The following RYR3 variants were observed in gnomAD, a reference collection of about 807,000 sequenced individuals.
The protein encoded by RYR3 is ryanodine receptor 3.
A neutral mutation model predicts 584.3 loss-of-function variants in RYR3; 207 were observed. The ratio of observed to expected loss-of-function variants is 0.35; its 90% CI spans 0.32 to 0.40. The LOEUF (loss-of-function observed/expected upper bound fraction) is 0.40, where lower values mean the gene tolerates loss of function less well. RYR3 is among the 10% of genes least tolerant of loss of function. RYR3 has a pLI of 1.00. For synonymous variants in RYR3, 2,416 were observed against 2,248.5 expected (o/e 1.07, Z -2.11); for missense variants, 5,616 against 6,089.2 (o/e 0.92, Z 2.59).
intron 2 of RYR3, among the ~76,000 whole-genome samples, chr15:33,495,687 A>C (rs1271460804): frequency 6.6e-6 from 1 of 152,290 alleles, no homozygotes; most frequent in East Asian, 1.9e-4. Context: ...TTTTTGTAGA[A>C]ATCCAGAGAG....
In RYR3 at chr15:33,664,614, T is replaced by TATATAC. The variant is rs1491296584; in HGVS notation, c.5619+878_5619+879insTATACA. Among the ~76,000 whole-genome samples, 131 of 120,554 alleles carry TATATAC rather than the reference T, an allele frequency of 1.1e-3. 1 individual carries two copies. The highest frequency in any genetic ancestry group is 3.1e-3 in the African/African-American group (102 of 32,878). The allele number at this position is 120,554 out of a possible 152,430, so 79.1% of individuals were successfully genotyped here. A position where few individuals can be genotyped will look rare whatever the true frequency, so the allele number is the denominator to read the frequency against. Reference sequence around the variant, plus strand: ...GTATATATATATATATATATATATATACGTATGTATACATCTGCGAGGGAG... The same window carrying TATATAC: ...GTATATATATATATATATATATATATATATACACGTATGTATACATCTGCGAGGGAG... On this transcript the variant is annotated intron_variant, in intron 36 of 103. Transcript: ENST00000634891.
intron 31 of RYR3, among the ~76,000 whole-genome samples, chr15:33,652,215 A>T (rs1036957133): frequency 2.0e-5 from 3 of 152,154 alleles, no homozygotes; most frequent in African/African-American, 7.2e-5. Context: ...ACTACTTTGT[A>T]GGGAGCCCAG....
At chr15:33,595,102 TTTTGGAAAG>T (rs2059306356) in intron 16 of RYR3, among the ~76,000 whole-genome samples, 1 of 152,220 alleles carries the variant, frequency 6.6e-6, no homozygotes. Flanking sequence ...TATAATTTGA[TTTTGGAAAG>T]TTTGTCAAAT....
intron 18 of RYR3, among the ~76,000 whole-genome samples, chr15:33,605,929 G>A (rs1446058763): frequency 3.9e-5 from 6 of 152,172 alleles, no homozygotes; most frequent in Non-Finnish European, 7.3e-5. Context: ...TTTTATTTGA[G>A]ATTTAAATGC....
At chr15:33,661,311 A>C (rs1175661438) in intron 34 of RYR3, among the ~76,000 whole-genome samples, 1 of 152,214 alleles carries the variant, frequency 6.6e-6, no homozygotes, top group Non-Finnish European at 1.5e-5. Flanking sequence ...AGAAAGAGAG[A>C]GCCAACTGGA....
At chr15:33,480,832 T>G (rs2142335972) in intron 2 of RYR3, among the ~76,000 whole-genome samples, 1 of 152,330 alleles carries the variant, frequency 6.6e-6, no homozygotes, top group African/African-American at 2.4e-5. Flanking sequence ...AGTTGTTGGA[T>G]GTAGGTTTTA....
intron 1 of RYR3, among the ~76,000 whole-genome samples, chr15:33,405,952 A>T (rs544532808): frequency 1.9e-4 from 29 of 152,298 alleles, no homozygotes; most frequent in African/African-American, 6.3e-4. Flanking sequence ...GGAGAAAAGA[A>T]TGTGTCACTC....
chr15:33,633,207 G>A, intron 24 of RYR3, 99 bp downstream of exon 24: 1 of 1,249,580 alleles, frequency 8.0e-7, no homozygotes, highest in Non-Finnish European at 1.1e-6. Context: ...GGAAGAGTTT[G>A]CCTTTGCACT....
intron 1 of RYR3, among the ~76,000 whole-genome samples, chr15:33,398,366 G>A (rs1050119748): frequency 3.3e-5 from 5 of 152,152 alleles, no homozygotes; most frequent in Admixed American, 2.6e-4. Context: ...TGACTTTGTC[G>A]CATCTTTACT....
intron 31 of RYR3, among the ~76,000 whole-genome samples, chr15:33,649,970 C>T (rs964501565): frequency 3.9e-5 from 6 of 152,192 alleles, no homozygotes; most frequent in African/African-American, 1.2e-4. Context: ...TTGCTCCCTA[C>T]GAAGACAGGA....
At chr15:33,319,857 C>T (rs1250426312) in intron 1 of RYR3, among the ~76,000 whole-genome samples, 1 of 152,172 alleles carries the variant, frequency 6.6e-6, no homozygotes, top group African/African-American at 2.4e-5. Flanking sequence ...ATGAGCCATA[C>T]ATTAGGAACT....
At chr15:33,683,020 A>C (rs1283381213) in intron 38 of RYR3, among the ~76,000 whole-genome samples, 2 of 149,732 alleles carry the variant, frequency 1.3e-5, no homozygotes, top group African/African-American at 2.5e-5. Flanking sequence ...TTTGAGATGG[A>C]GTCTCGCTCT....
chr15:33,533,449 G>C, intron 5 of RYR3, 60 bp downstream of exon 5: 2 of 1,189,168 alleles, frequency 1.7e-6, no homozygotes, highest in Non-Finnish European at 2.5e-6. Context: ...AGGGGCTTTT[G>C]AGAAGGACCC....
chr15:33,530,462 G>A, intron 3 of RYR3, 130 bp from the exon 4 acceptor site: 1 of 661,930 alleles, frequency 1.5e-6, no homozygotes, highest in South Asian at 1.8e-5. Flanking sequence ...CTTGCTTCTG[G>A]AATGAATTCC....
At position 33,458,985 on chromosome 15, in the gene RYR3, A is replaced by G. The variant is rs1299591982; in HGVS notation, c.52-14434A>G. 2.0e-5 allele frequency among the ~76,000 whole-genome samples: 3 copies of G among 152,278 alleles called. No individual in the cohort carries two copies. In the East Asian group the frequency reaches 5.8e-4, roughly 29 times the overall value. ...GTCATGCCTGTATTAGTATATATCT[A>G]CCAACCTTCTCTAACTTCCCCAGCT... On this transcript the variant is annotated intron_variant, in intron 1 of 103. Coordinates refer to ENST00000634891, the MANE Select transcript of RYR3 (RefSeq NM_001036.6).
chr15:33,733,595 G>A (rs2069148339), intron 48 of RYR3, among the ~76,000 whole-genome samples: 1 of 152,218 alleles, frequency 6.6e-6, no homozygotes, highest in Admixed American at 6.5e-5. Flanking sequence ...GGTTGGGGGA[G>A]GGAGAGATGA....
chr15:33,630,694 T>G (rs756494028), intron 22 of RYR3, among the ~76,000 whole-genome samples: 20 of 152,244 alleles, frequency 1.3e-4, no homozygotes, highest in Non-Finnish European at 2.9e-5. Context: ...TAAGCACAGC[T>G]CATGCCCTTA....
chr15:33,641,259 A>C (rs2061808566), intron 27 of RYR3, among the ~76,000 whole-genome samples: 1 of 152,262 alleles, frequency 6.6e-6, no homozygotes, highest in South Asian at 2.1e-4. Context: ...CTTTGTTCAC[A>C]TGCTGACTCT....
intron 1 of RYR3, among the ~76,000 whole-genome samples, chr15:33,410,316 G>C (rs569683969): frequency 7.2e-5 from 11 of 152,164 alleles, no homozygotes; most frequent in Non-Finnish European, 1.0e-4. Flanking sequence ...CACTTGGTTT[G>C]GCAGGCCCAA....
Sources: gnomAD v4.1 joint callset for allele counts (sites outside exome capture counted in the v4.1 genomes callset) on GRCh38, gnomAD v4.1.1 for gene constraint, MANE v1.5 for transcripts, NCBI Gene and HGNC (gene_info 2026-07-23, HGNC 2026-07-21) for gene names.